THADA: variants seen among roughly 807,000 people sequenced by gnomAD.
THADA encodes the protein THADA armadillo repeat containing.
In THADA, 213 loss-of-function variants were observed where a neutral mutation model predicts 219.8. That is an observed-to-expected ratio of 0.97 (90% CI 0.87 to 1.09). THADA has a LOEUF of 1.09. Among genes scored for constraint, THADA ranks in the 50% least tolerant of loss-of-function variants. The probability of loss-of-function intolerance (pLI) is 0.00; values close to 1 mark genes in which losing one functional copy is unlikely to be tolerated. For missense variants in THADA, 2,956 were observed against 2,311.3 expected (o/e 1.28, Z -5.72); for synonymous variants, 1,018 against 828.9 (o/e 1.23, Z -3.92).
At chr2:43,509,889 A>AT (rs1388877939) in intron 22 of THADA, among the ~76,000 whole-genome samples, 4 of 152,208 alleles carry the variant, frequency 2.6e-5, no homozygotes, top group Non-Finnish European at 5.9e-5. Context: ...TCCTTTTAGC[A>AT]TATCTTAAAA....
intron 25 of THADA, among the ~76,000 whole-genome samples, chr2:43,498,583 T>C (rs1023181793): frequency 6.6e-6 from 1 of 151,734 alleles, no homozygotes; most frequent in Admixed American, 6.6e-5. Flanking sequence ...CAGTCAAACA[T>C]ACATACTGTA....
intron 29 of THADA, among the ~76,000 whole-genome samples, chr2:43,377,382 C>T (rs1435082487): frequency 6.6e-6 from 1 of 151,782 alleles, no homozygotes; most frequent in African/African-American, 2.4e-5. Context: ...CCTCTTTAGA[C>T]ATAGATTTTT....
chr2:43,373,031 C>G (rs539911152), intron 29 of THADA, among the ~76,000 whole-genome samples: 2 of 151,964 alleles, frequency 1.3e-5, no homozygotes, highest in Admixed American at 6.6e-5. Context: ...GAATACCCCC[C>G]CAAAAAACTT....
At chr2:43,545,830 G>A (rs1055068129) in intron 20 of THADA, among the ~76,000 whole-genome samples, 2 of 151,942 alleles carry the variant, frequency 1.3e-5, no homozygotes, top group African/African-American at 2.4e-5. Context: ...ACCAGCTCCT[G>A]GATTCATTAA....
intron 28 of THADA, among the ~76,000 whole-genome samples, chr2:43,421,580 T>C (rs561081875): frequency 1.3e-5 from 2 of 152,344 alleles, no homozygotes; most frequent in Non-Finnish European, 1.5e-5. Flanking sequence ...TTATCTACTA[T>C]AACCACTCTT....
At chr2:43,498,517 T>G (rs904266997) in intron 25 of THADA, among the ~76,000 whole-genome samples, 1 of 152,140 alleles carries the variant, frequency 6.6e-6, no homozygotes, top group Non-Finnish European at 1.5e-5. Context: ...GCACTATTAT[T>G]AAGTTCTTAT....
At chr2:43,404,677 G>A (rs896474748) in intron 28 of THADA, among the ~76,000 whole-genome samples, 3 of 152,092 alleles carry the variant, frequency 2.0e-5, no homozygotes, top group South Asian at 2.1e-4. Flanking sequence ...AAATGACATT[G>A]AGAACAGAAA....
intron 29 of THADA, among the ~76,000 whole-genome samples, chr2:43,353,786 G>C (rs987378810): frequency 4.6e-5 from 7 of 151,448 alleles, no homozygotes; most frequent in Non-Finnish European, 8.8e-5. Context: ...CTCCCAAGTA[G>C]CTGGGACTAC....
At chr2:43,432,831 G>T (rs77061610) in intron 26 of THADA, among the ~76,000 whole-genome samples, 12,350 of 152,126 alleles carry the variant, frequency 0.081, 569 homozygotes, top group South Asian at 0.14. Context: ...CTTTGTGAAG[G>T]ATCTCTTCAA....
At chr2:43,569,104 T>C (rs1221520740) in intron 14 of THADA, among the ~76,000 whole-genome samples, 2 of 152,044 alleles carry the variant, frequency 1.3e-5, no homozygotes, top group African/African-American at 4.8e-5. Context: ...CCAGAGTATC[T>C]GGGAACACAG....
chr2:43,256,686 C>T (rs973653789), intron 36 of THADA, among the ~76,000 whole-genome samples: 2 of 151,736 alleles, frequency 1.3e-5, no homozygotes, highest in African/African-American at 4.8e-5. Context: ...TCAAGTGATC[C>T]TCCTCCCTCA....
At chr2:43,505,139 A>G (rs1435694467) in intron 24 of THADA, among the ~76,000 whole-genome samples, 1 of 152,236 alleles carries the variant, frequency 6.6e-6, no homozygotes, top group East Asian at 1.9e-4. Context: ...CAAAATGTAC[A>G]TCAACGCAAA....
chr2:43,458,261 T>C (rs1683244489), intron 26 of THADA, among the ~76,000 whole-genome samples: 1 of 152,180 alleles, frequency 6.6e-6, no homozygotes, highest in African/African-American at 2.4e-5. Context: ...CTAAAAGATA[T>C]GACTCACAGG....
intron 22 of THADA, among the ~76,000 whole-genome samples, chr2:43,516,181 G>C (rs1226423032): frequency 6.6e-6 from 1 of 151,946 alleles, no homozygotes; most frequent in African/African-American, 2.4e-5. Context: ...GTAACTAATC[G>C]GTCTTTCTGT....
Position 43,549,236 on chromosome 2 carries a change from T to C in THADA, c.3080A>G (p.Asn1027Ser). 1 of 1,584,134 alleles carries C rather than the reference T, an allele frequency of 6.3e-7. No homozygotes were observed. The highest frequency in any genetic ancestry group is 8.6e-7 in the Non-Finnish European group (1 of 1,165,098). The change falls in exon 20 of 38, where the codon AAT becomes AGT. Residue 1027 changes from asparagine (N) to serine (S), a missense_variant. By Grantham distance (46) the Asn-to-Ser change is conservative. Coordinates refer to ENST00000405975, the MANE Select transcript of THADA (RefSeq NM_022065.5). Reference sequence around the variant, plus strand: ...TTTGATTTCTGTAGAAGTATCAATATTCACCACACTAGCATTCAAGTCCTT... The same window carrying C: ...TTTGATTTCTGTAGAAGTATCAATACTCACCACACTAGCATTCAAGTCCTT... Reference protein sequence around the residue: ...DMKDLNASVVNIDTSTEIKGK... With the variant: ...DMKDLNASVVSIDTSTEIKGK...
intron 21 of THADA, among the ~76,000 whole-genome samples, chr2:43,535,553 T>C (rs1020714119): frequency 6.6e-6 from 1 of 150,944 alleles, no homozygotes; most frequent in Non-Finnish European, 1.5e-5. Context: ...GGGTGGCACA[T>C]GCTTGTAATC....
chr2:43,399,012 G>A (rs1327353933), intron 28 of THADA, among the ~76,000 whole-genome samples: 1 of 152,124 alleles, frequency 6.6e-6, no homozygotes, highest in African/African-American at 2.4e-5. Context: ...GTAAAGGCAG[G>A]TCATCTAAAG....
At chr2:43,261,441 C>CT (rs1274292726) in intron 36 of THADA, among the ~76,000 whole-genome samples, 4 of 149,542 alleles carry the variant, frequency 2.7e-5, no homozygotes, top group Admixed American at 6.7e-5. Context: ...CTGGTTTGTG[C>CT]TTTTTTTTGT....
At chr2:43,427,544 T>TTA (rs1183013843) in intron 28 of THADA, among the ~76,000 whole-genome samples, 8 of 144,554 alleles carry the variant, frequency 5.5e-5, no homozygotes, top group Non-Finnish European at 1.2e-4. Context: ...TGTATACAAG[T>TTA]TATATATATA....
Sources: allele counts gnomAD v4.1 joint callset (sites outside exome capture counted in the v4.1 genomes callset), GRCh38; gene constraint gnomAD v4.1.1; transcripts MANE v1.5; gene names NCBI Gene and HGNC (gene_info 2026-07-23, HGNC 2026-07-21).